RELN: variants seen among roughly 807,000 people sequenced by gnomAD.
RELN encodes the protein reelin.
In RELN, 108 loss-of-function variants were observed where a neutral mutation model predicts 427.6. That is an observed-to-expected ratio of 0.25 (90% CI 0.22 to 0.30). The LOEUF (loss-of-function observed/expected upper bound fraction) is 0.30. RELN is among the 10% of genes least tolerant of loss of function. RELN has a pLI of 1.00. For synonymous variants in RELN, 1,524 were observed against 1,513.4 expected, an observed-to-expected ratio of 1.01 and a Z score of -0.16; for missense variants, 3,715 against 4,302.8, an observed-to-expected ratio of 0.86 and a Z score of 3.82.
chr7:103,575,749 A>G (rs1304345737), intron 28 of RELN, 44 bp from the exon 29 acceptor site: 2 of 1,604,806 alleles, frequency 1.2e-6, no homozygotes, highest in Non-Finnish European at 1.7e-6. Context: ...CCAACATCTC[A>G]TATCAAAGCA....
At chr7:103,779,594 C>A (rs1584486761) in intron 3 of RELN, among the ~76,000 whole-genome samples, 2 of 152,248 alleles carry the variant, frequency 1.3e-5, no homozygotes, top group South Asian at 4.1e-4. Context: ...GGATTCAAAC[C>A]CAGGCAGTTT....
intron 61 of RELN, among the ~76,000 whole-genome samples, chr7:103,485,151 A>T (rs976707887): frequency 5.4e-5 from 8 of 148,992 alleles, no homozygotes; most frequent in Non-Finnish European, 1.0e-4. Flanking sequence ...CTAACTATGC[A>T]CCTAGTTGCA....
chr7:103,927,975 T>C (rs1795783240), intron 1 of RELN, among the ~76,000 whole-genome samples: 1 of 151,886 alleles, frequency 6.6e-6, no homozygotes, highest in Non-Finnish European at 1.5e-5. Flanking sequence ...TAAATCTTAA[T>C]CTACCCTTAG....
intron 1 of RELN, among the ~76,000 whole-genome samples, chr7:103,975,842 G>A (rs771997930): frequency 1.2e-4 from 18 of 151,652 alleles, no homozygotes; most frequent in African/African-American, 2.2e-4. Context: ...CACCGCACCC[G>A]GCCGGAATGG....
At chr7:103,654,033 C>T in intron 13 of RELN, 60 bp downstream of exon 13, 1 of 953,810 alleles carries the variant, frequency 1.0e-6, no homozygotes, top group Non-Finnish European at 1.7e-6. Flanking sequence ...GTGGTTTTGA[C>T]TTGGGCTTGT....
At chr7:103,555,203 G>C (rs1237212004) in intron 38 of RELN, among the ~76,000 whole-genome samples, 1 of 152,072 alleles carries the variant, frequency 6.6e-6, no homozygotes, top group Non-Finnish European at 1.5e-5. Flanking sequence ...AGCACTGTTT[G>C]GACTGACCTT....
chr7:103,987,873 G>A (rs763181173), intron 1 of RELN, among the ~76,000 whole-genome samples: 1 of 152,160 alleles, frequency 6.6e-6, no homozygotes, highest in Non-Finnish European at 1.5e-5. Context: ...CATGCCACAA[G>A]GAAGTTGTAA....
chr7:103,892,037 T>A (rs1234570089), intron 2 of RELN, among the ~76,000 whole-genome samples: 1 of 152,210 alleles, frequency 6.6e-6, no homozygotes, highest in African/African-American at 2.4e-5. Flanking sequence ...GAACTGTATC[T>A]TTCAACATCT....
intron 5 of RELN, among the ~76,000 whole-genome samples, chr7:103,751,116 T>C (rs900570567): frequency 6.6e-5 from 10 of 152,232 alleles, no homozygotes; most frequent in Admixed American, 5.9e-4. Context: ...TGATTCATGG[T>C]TTGCTTAGGA....
chr7:103,894,578 G>C (rs1198998862), intron 2 of RELN, among the ~76,000 whole-genome samples: 2 of 152,006 alleles, frequency 1.3e-5, no homozygotes, highest in African/African-American at 4.8e-5. Context: ...TGACATAATG[G>C]TAATTCCTGC....
At chr7:103,512,903 T>A (rs932316553) in intron 50 of RELN, 11 of 152,204 alleles carry the variant, frequency 7.2e-5, no homozygotes, top group African/African-American at 2.7e-4. Context: ...AAAGACCAGA[T>A]AACTATAATT....
chr7:103,781,278 T>G (rs1403918279), intron 3 of RELN, among the ~76,000 whole-genome samples: 2 of 152,152 alleles, frequency 1.3e-5, no homozygotes, highest in Non-Finnish European at 2.9e-5. Flanking sequence ...GTCAAATAAT[T>G]CATGGTGGTT....
intron 22 of RELN, among the ~76,000 whole-genome samples, chr7:103,609,185 T>G (rs962989950): frequency 4.9e-5 from 7 of 144,070 alleles, no homozygotes; most frequent in Non-Finnish European, 3.0e-5. Context: ...GTCGCGCCAC[T>G]GCACTCCAGC....
At chr7:103,567,791 TTA>T (rs969373146) in intron 31 of RELN, among the ~76,000 whole-genome samples, 15 of 148,364 alleles carry the variant, frequency 1.0e-4, no homozygotes, top group African/African-American at 2.5e-4. Flanking sequence ...TATATATATT[TTA>T]TATATATATA....
At chr7:103,787,961 C>A (rs1256492271) in intron 3 of RELN, among the ~76,000 whole-genome samples, 1 of 152,160 alleles carries the variant, frequency 6.6e-6, no homozygotes, top group Non-Finnish European at 1.5e-5. Context: ...CCGAATCCAG[C>A]AGCACATCAA....
intron 12 of RELN, among the ~76,000 whole-genome samples, chr7:103,661,008 T>C (rs727531): frequency 1.3e-5 from 2 of 152,034 alleles, no homozygotes; most frequent in South Asian, 2.1e-4. Flanking sequence ...GAGATATTCA[T>C]GAAAACAAAG....
chr7:103,548,850 C>A (rs1033235810), intron 41 of RELN, among the ~76,000 whole-genome samples: 1 of 152,178 alleles, frequency 6.6e-6, no homozygotes, highest in Admixed American at 6.5e-5. Flanking sequence ...GAGCACTCCC[C>A]TGGCATGGAC....
chr7:103,921,551 T>G (rs996991516), intron 1 of RELN, among the ~76,000 whole-genome samples: 1 of 152,190 alleles, frequency 6.6e-6, no homozygotes, highest in Admixed American at 6.5e-5. Flanking sequence ...AACTTGCCAG[T>G]CCATTTTAAG....
chr7:103,602,659 C>T (rs542661112), intron 24 of RELN, among the ~76,000 whole-genome samples: 1 of 151,916 alleles, frequency 6.6e-6, no homozygotes, highest in African/African-American at 2.4e-5. Context: ...GGGAGGGGAA[C>T]ATCACACACT....
Sources: allele counts gnomAD v4.1 joint callset (sites outside exome capture counted in the v4.1 genomes callset), GRCh38; gene constraint gnomAD v4.1.1; transcripts MANE v1.5; gene names NCBI Gene and HGNC (gene_info 2026-07-23, HGNC 2026-07-21).